ABTB2: variants seen among roughly 807,000 people sequenced by gnomAD.
ABTB2 encodes the protein ankyrin repeat and BTB domain containing 2.
ABTB2 carries 56 observed loss-of-function variants against 104.1 expected under a neutral mutation model. The observed-to-expected ratio is 0.54, with a 90% CI of 0.43 to 0.67. ABTB2 has a LOEUF of 0.67. Among genes scored for constraint, ABTB2 ranks in the 30% least tolerant of loss-of-function variants. The pLI, the probability that ABTB2 is intolerant of heterozygous loss-of-function variation, is 0.00. For synonymous variants in ABTB2, 606 were observed against 608.2 expected (o/e 1.00, Z 0.05); for missense variants, 1,279 against 1,407.7 (o/e 0.91, Z 1.46).
rs1437291059 is a variant in ABTB2, at chr11:34,172,370, T to C, written c.1397+785A>G. 1.1e-4 allele frequency among the ~76,000 whole-genome samples: 4 copies of C among 34,976 alleles called. No individual in the cohort carries two copies. In the East Asian group the frequency reaches 2.8e-3, roughly 25 times the overall value. The allele number at this position is 34,976 out of a possible 152,430, so 22.9% of individuals were successfully genotyped here. A position where few individuals can be genotyped will look rare whatever the true frequency, so the allele number is the denominator to read the frequency against. ...CTGGGCAACAGAGTGAAACTCTGTC[T>C]CAAAAAAAAAAAAAAAAAAAAAAAA... On this transcript the variant is annotated intron_variant, in intron 4 of 16. Coordinates refer to ENST00000435224, the MANE Select transcript of ABTB2 (RefSeq NM_145804.3).
chr11:34,311,582 G>C (rs904881061), intron 1 of ABTB2, among the ~76,000 whole-genome samples: 2 of 152,204 alleles, frequency 1.3e-5, no homozygotes, highest in Non-Finnish European at 2.9e-5. Context: ...GAGAGGGAGA[G>C]AGAGAACACA....
At chr11:34,187,637 C>T (rs995330048) in intron 3 of ABTB2, among the ~76,000 whole-genome samples, 3 of 152,012 alleles carry the variant, frequency 2.0e-5, no homozygotes, top group Non-Finnish European at 4.4e-5. Context: ...GCTAGGACTA[C>T]AGGCATGCAC....
Position 34,154,629 on chromosome 11 carries a change from G to A in ABTB2, c.2766+72C>T. Reference sequence around the variant, plus strand: ...GGAGAGGAAGAGCCACCTTCCCTCTGAAGGGGGTGAATGGGAGACCGAGCC... The same window carrying A: ...GGAGAGGAAGAGCCACCTTCCCTCTAAAGGGGGTGAATGGGAGACCGAGCC... On this transcript the variant is annotated intron_variant, in intron 15 of 16. Coordinates refer to ENST00000435224, the MANE Select transcript of ABTB2 (RefSeq NM_145804.3). This position sits in a 1 kb window ranked among gnomAD's most constrained non-coding sequence, Gnocchi z 4.9. The A allele has an allele frequency of 6.7e-7, 1 of 1,483,182 alleles. No individual in the cohort carries two copies. The highest frequency in any genetic ancestry group is 9.4e-7 in the Non-Finnish European group (1 of 1,066,384). 91.9% of individuals were successfully genotyped at this position (1,483,182 alleles called of 1,614,324 possible).
At chr11:34,202,845 A>AAAAC (rs1256836205) in intron 2 of ABTB2, among the ~76,000 whole-genome samples, 2 of 152,148 alleles carry the variant, frequency 1.3e-5, no homozygotes, top group East Asian at 3.9e-4. Flanking sequence ...TCTCAAAAAC[A>AAAAC]AAACAAAACA....
chr11:34,328,694 C>T (rs1414105544), intron 1 of ABTB2, among the ~76,000 whole-genome samples: 1 of 152,204 alleles, frequency 6.6e-6, no homozygotes, highest in Non-Finnish European at 1.5e-5. Flanking sequence ...CTTATTGGCT[C>T]TCAACATTCA....
At chr11:34,212,727 A>C (rs1375537524) in intron 1 of ABTB2, among the ~76,000 whole-genome samples, 1 of 152,178 alleles carries the variant, frequency 6.6e-6, no homozygotes, top group Admixed American at 6.5e-5. Context: ...TTCTTTTTCT[A>C]AGGTCAGGAA....
At chr11:34,237,300 A>G (rs1411386589) in intron 1 of ABTB2, among the ~76,000 whole-genome samples, 98 of 59,198 alleles carry the variant, frequency 1.7e-3, no homozygotes, top group African/African-American at 7.0e-3. Context: ...TTTTTTTTTT[A>G]GACCGAGTCT....
At chr11:34,194,923 C>T (rs561379703) in intron 3 of ABTB2, among the ~76,000 whole-genome samples, 2 of 152,190 alleles carry the variant, frequency 1.3e-5, no homozygotes, top group Admixed American at 6.5e-5. Context: ...TAAACACATG[C>T]ACGTGTGTCT....
intron 1 of ABTB2, among the ~76,000 whole-genome samples, chr11:34,271,239 C>A (rs953764575): frequency 2.0e-5 from 3 of 152,184 alleles, no homozygotes; most frequent in Non-Finnish European, 2.9e-5. Flanking sequence ...TGATGACACC[C>A]TTTCACAAGA....
chr11:34,280,412 T>A (rs1854436556), intron 1 of ABTB2, among the ~76,000 whole-genome samples: 1 of 152,074 alleles, frequency 6.6e-6, no homozygotes, highest in South Asian at 2.1e-4. Context: ...ACTGTACCCA[T>A]TCAGAAAATC....
chr11:34,167,225 T>C, intron 7 of ABTB2, 34 bp downstream of exon 7: 1 of 1,566,446 alleles, frequency 6.4e-7, no homozygotes, highest in South Asian at 1.2e-5. Flanking sequence ...CCTGGTAAGC[T>C]GGGGGGCATG....
rs1350532488 is a variant in ABTB2 at position 34,342,922 on chromosome 11, TTTATTTATTTA to T, written c.883+13768_883+13778del. 5.4e-4 allele frequency among the ~76,000 whole-genome samples: 13 copies of T among 23,866 alleles called. No individual in the cohort carries two copies. The East Asian group carries it at 0.13, about 244-fold the overall frequency. The allele number at this position is 23,866 out of a possible 152,430, so 15.7% of individuals were successfully genotyped here. On this transcript the variant is annotated intron_variant, in intron 1 of 16. Transcript: ENST00000435224. ...ATCTTATGGTGTCACTCCCATTTCA[TTTATTTATTTA>T]TTTATTTATTTATTTATTTATTTAT...
chr11:34,231,224 A>G (rs1336374701), intron 1 of ABTB2, among the ~76,000 whole-genome samples: 2 of 152,244 alleles, frequency 1.3e-5, no homozygotes, highest in Admixed American at 6.5e-5. Context: ...TTGCATAACA[A>G]AATAAATAAC....
chr11:34,169,903 G>A (rs1460092831), intron 5 of ABTB2, among the ~76,000 whole-genome samples: 1 of 152,154 alleles, frequency 6.6e-6, no homozygotes, highest in Non-Finnish European at 1.5e-5. Flanking sequence ...CATCCCATCT[G>A]TCAGGGTCCA....
intron 2 of ABTB2, among the ~76,000 whole-genome samples, chr11:34,201,258 C>T (rs1297201369): frequency 2.0e-5 from 3 of 152,026 alleles, no homozygotes; most frequent in African/African-American, 4.8e-5. Flanking sequence ...CAAGGAAAAA[C>T]AAGTCCTCCC....
At chr11:34,311,782 C>T (rs1299168699) in intron 1 of ABTB2, among the ~76,000 whole-genome samples, 1 of 152,188 alleles carries the variant, frequency 6.6e-6, no homozygotes, top group African/African-American at 2.4e-5. Flanking sequence ...GGAACAGGTG[C>T]TACAAGTGAG....
chr11:34,270,490 C>T (rs1854301464), intron 1 of ABTB2, among the ~76,000 whole-genome samples: 1 of 152,144 alleles, frequency 6.6e-6, no homozygotes. Flanking sequence ...TAGGCACCTA[C>T]CACCACACCT....
At chr11:34,274,784 CCA>C (rs1235261228) in intron 1 of ABTB2, among the ~76,000 whole-genome samples, 1 of 152,060 alleles carries the variant, frequency 6.6e-6, no homozygotes, top group East Asian at 1.9e-4. Context: ...TGCAGGTCAG[CCA>C]CACAGTCTTG....
chr11:34,173,048 C>T (rs1852905810), intron 4 of ABTB2, 107 bp downstream of exon 4: 5 of 1,403,536 alleles, frequency 3.6e-6, no homozygotes, highest in South Asian at 1.3e-5. Flanking sequence ...GTGCTGCAGC[C>T]CCTGCTCTCT....
Sources: gnomAD v4.1 joint callset for allele counts (sites outside exome capture counted in the v4.1 genomes callset) on GRCh38, gnomAD v4.1.1 for gene constraint, Gnocchi (gnomAD v3.1) non-coding constraint, MANE v1.5 for transcripts, NCBI Gene and HGNC (gene_info 2026-07-23, HGNC 2026-07-21) for gene names.